Variants in ANKRD26 observed in about 807,000 individuals in gnomAD.
ANKRD26 encodes ankyrin repeat domain-containing protein 26.
In ANKRD26, 141 loss-of-function variants were observed where a neutral mutation model predicts 208.7. The ratio of observed to expected loss-of-function variants is 0.68; its 90% CI spans 0.59 to 0.78. The LOEUF (loss-of-function observed/expected upper bound fraction) is 0.78. Ranked by LOEUF, ANKRD26 falls within the 30% of genes least tolerant of loss-of-function variation. The pLI is 0.00. For synonymous variants in ANKRD26, 636 were observed against 660.4 expected (o/e 0.96, Z 0.57); for missense variants, 1,889 against 1,938.7 (o/e 0.97, Z 0.48).
At chr10:27,042,798 CAA>C (rs60850386) in intron 20 of ANKRD26, among the ~76,000 whole-genome samples, 3,566 of 48,770 alleles carry the variant, frequency 0.073, 36 homozygotes, top group Non-Finnish European at 0.09. Flanking sequence ...CAAAAAAATA[CAA>C]AAAAAAAAAA....
In ANKRD26 at chr10:27,017,736, A is replaced by G. The variant is rs575477956; in HGVS notation, c.4272T>C (p.Asp1424=). The G allele has an allele frequency of 1.2e-6, 2 of 1,613,152 alleles. No individual in the cohort carries two copies. Among genetic ancestry groups the G allele is most frequent in the Non-Finnish European group, 1.7e-6 (2 of 1,179,784 alleles). ...ETAGSKCLHL[D]TKNQILQEEL... is the part of the protein sequence containing the mutation. ...CCTCTTGAAGAATTTGGTTCTTTGT[A>G]TCCAGATGTAGACATTTTGAACCTG... The change falls in exon 30 of 34, where the codon GAT becomes GAC. Residue 1424 remains aspartate (D), a synonymous_variant. Transcript: ENST00000376087.
chr10:27,072,415 G>A (rs1022117027), intron 9 of ANKRD26, among the ~76,000 whole-genome samples: 3 of 152,140 alleles, frequency 2.0e-5, no homozygotes, highest in African/African-American at 4.8e-5. Flanking sequence ...CAATGGGGCC[G>A]CTCCACTGCT....
At chr10:27,033,139 G>A in intron 25 of ANKRD26, 86 bp downstream of exon 25, 1 of 948,886 alleles carries the variant, frequency 1.1e-6, no homozygotes, top group Non-Finnish European at 1.5e-6. Context: ...CACAAAAGAA[G>A]GCTACCCACT....
chr10:27,079,996 A>G, intron 6 of ANKRD26: 1 of 311,304 alleles, frequency 3.2e-6, no homozygotes, highest in South Asian at 2.4e-5. Context: ...TCTCTACTAA[A>G]AATACAAAGA....
At position 27,100,239 on chromosome 10, in the gene ANKRD26, G is replaced by A. The variant is rs747929058; in HGVS notation, c.88C>T (p.Pro30Ser). 2.5e-6 allele frequency: 4 copies of A among 1,611,862 alleles called. No homozygotes were observed. Among genetic ancestry groups the A allele is most frequent in the South Asian group, 2.2e-5 (2 of 91,064 alleles). Residue 30 changes from proline (P) to serine (S), a missense_variant, in exon 1 of 34, where the codon CCG becomes TCG. Coordinates refer to ENST00000376087, the MANE Select transcript of ANKRD26 (RefSeq NM_014915.3). Reference sequence around the variant, plus strand: ...GGCTGCGAGTAGGCGCCCTCCCCCGGCTCGCCCCCGCCTCCCGCGCTGCTC... The same window carrying A: ...GGCTGCGAGTAGGCGCCCTCCCCCGACTCGCCCCCGCCTCCCGCGCTGCTC... ...QRSSAGGGGEPGEGAYSQPGY... is the reference protein window; with the variant it reads ...QRSSAGGGGESGEGAYSQPGY...
At chr10:27,091,902 G>A (rs972768386) in intron 4 of ANKRD26, among the ~76,000 whole-genome samples, 1 of 151,932 alleles carries the variant, frequency 6.6e-6, no homozygotes, top group Admixed American at 6.6e-5. Flanking sequence ...CAGGAGAATC[G>A]CTTGAACCCA....
At chr10:26,975,216 TAC>T (rs2052206887) in exon 6 of ANKRD26, among the ~76,000 whole-genome samples, 1 of 152,064 alleles carries the variant, frequency 6.6e-6, no homozygotes, top group Non-Finnish European at 1.5e-5. Flanking sequence ...AATTTATGTC[TAC>T]ACACAGTTTC....
chr10:27,078,944 A>AT, intron 7 of ANKRD26, 145 bp downstream of exon 7: 1 of 564,710 alleles, frequency 1.8e-6, no homozygotes, highest in Non-Finnish European at 3.1e-6. Flanking sequence ...TCAACTGGCC[A>AT]TATTTCTATA....
chr10:27,029,137 A>T lies in ANKRD26; in HGVS notation c.3878+149T>A, dbSNP rs1043006435. 13 of 1,106,644 alleles carry T rather than the reference A, an allele frequency of 1.2e-5. No individual in the cohort carries two copies. In the Admixed American group the frequency reaches 2.2e-4, roughly 18 times the overall value. 68.6% of individuals were successfully genotyped at this position (1,106,644 alleles called of 1,614,324 possible). On this transcript the variant is annotated intron_variant, in intron 26 of 33. Transcript: ENST00000376087. ...ACAAAATTCTAGGATAATATAAAAA[A>T]ATCCGCATTTCAAAATTGCTTAATG...
chr10:27,083,899 T>C (rs1209232772), intron 5 of ANKRD26, among the ~76,000 whole-genome samples: 2 of 152,056 alleles, frequency 1.3e-5, no homozygotes, highest in African/African-American at 2.4e-5. Flanking sequence ...AATGGCAGGG[T>C]TGCATAGCTA....
In ANKRD26 at chr10:27,005,549, C is replaced by G; in HGVS notation, c.*41G>C. 1 of 1,590,330 alleles carries G rather than the reference C, an allele frequency of 6.3e-7. No individual in the cohort carries two copies. Among genetic ancestry groups the G allele is most frequent in the Non-Finnish European group, 8.6e-7 (1 of 1,163,012 alleles). On this transcript the variant is annotated 3_prime_UTR_variant, in exon 34 of 34. Transcript: ENST00000376087. Reference sequence around the variant, plus strand: ...TCATATATTAATATTTAATGAGAAACAAAATGTCACATAAACAGCCCAGTA... The same window carrying G: ...TCATATATTAATATTTAATGAGAAAGAAAATGTCACATAAACAGCCCAGTA...
At chr10:26,983,526 C>T (rs575365032) in intron 3 of ANKRD26, among the ~76,000 whole-genome samples, 1 of 152,168 alleles carries the variant, frequency 6.6e-6, no homozygotes, top group Admixed American at 6.5e-5. Context: ...TCCAAGTATC[C>T]ACCACATGTC....
the ANKRD26 span, among the ~76,000 whole-genome samples, chr10:26,967,890 GCAT>G: frequency 1.3e-3 from 195 of 152,230 alleles, 2 homozygotes; most frequent in African/African-American, 3.5e-3. Context: ...CTTCTGGACA[GCAT>G]CCTCTCTTCC....
intron 15 of ANKRD26, 140 bp from the exon 16 acceptor site, chr10:27,053,530 G>A: frequency 1.8e-6 from 1 of 569,218 alleles, no homozygotes; most frequent in East Asian, 3.2e-5. Flanking sequence ...ATGAGACAGG[G>A]CCTTACTCTG....
chr10:27,081,969 T>C (rs983354668), intron 6 of ANKRD26, among the ~76,000 whole-genome samples: 1 of 151,054 alleles, frequency 6.6e-6, no homozygotes, highest in African/African-American at 2.4e-5. Context: ...ATCTCCTGAC[T>C]TTGTGATATG....
intron 21 of ANKRD26, among the ~76,000 whole-genome samples, chr10:27,039,536 A>G (rs1317270547): frequency 1.3e-5 from 2 of 152,154 alleles, no homozygotes; most frequent in African/African-American, 2.4e-5. Context: ...AACTTTCCTG[A>G]GAACAATTTA....
At chr10:27,083,256 T>C (rs1288281428) in intron 5 of ANKRD26, among the ~76,000 whole-genome samples, 1 of 152,128 alleles carries the variant, frequency 6.6e-6, no homozygotes, top group South Asian at 2.1e-4. Context: ...ATTTACTTAA[T>C]ATAATATTTA....
At chr10:27,077,868 G>C (rs934797310) in intron 7 of ANKRD26, among the ~76,000 whole-genome samples, 175 bp from the exon 8 acceptor site, 6 of 151,988 alleles carry the variant, frequency 3.9e-5, no homozygotes, top group Admixed American at 3.3e-4. Context: ...TCTTCTCATG[G>C]GGTAAGGATT....
downstream of ANKRD26, among the ~76,000 whole-genome samples, chr10:26,988,689 T>C (rs1412060915): frequency 6.6e-6 from 1 of 152,006 alleles, no homozygotes; most frequent in African/African-American, 2.4e-5. Context: ...GTACAGCTGA[T>C]AGAAGGGTAT....
Sources: allele counts gnomAD v4.1 joint callset (sites outside exome capture counted in the v4.1 genomes callset), GRCh38; gene constraint gnomAD v4.1.1; transcripts MANE v1.5; gene names NCBI Gene and HGNC (gene_info 2026-07-23, HGNC 2026-07-21).